The following RPTOR variants were observed in gnomAD, a reference collection of about 807,000 sequenced individuals.
RPTOR encodes the protein regulatory associated protein of MTOR complex 1.
Under a neutral mutation model 169.9 loss-of-function variants are expected in RPTOR, and 21 were observed. The ratio of observed to expected loss-of-function variants is 0.12; its 90% CI spans 0.09 to 0.18. RPTOR has a LOEUF of 0.18. RPTOR is among the 10% of genes least tolerant of loss of function. The pLI, the probability that RPTOR is intolerant of heterozygous loss-of-function variation, is 1.00. For missense variants in RPTOR, 1,133 were observed against 1,855.9 expected (o/e 0.61, Z 7.16); for synonymous variants, 732 against 753.2 (o/e 0.97, Z 0.46).
intron 2 of RPTOR, 124 bp downstream of exon 2, chr17:80,625,917 T>G (rs768005274): frequency 2.6e-4 from 173 of 670,534 alleles, no homozygotes; most frequent in Non-Finnish European, 4.2e-4. Flanking sequence ...CTGAGGGGTT[T>G]TTCTTTCTGG....
rs2065706297 is a variant in RPTOR, at chr17:80,659,657, C to T, written c.348+15847C>T. Among the ~76,000 whole-genome samples the T allele has an allele frequency of 6.6e-6, 1 of 152,116 alleles. No individual in the cohort carries two copies. The highest frequency in any genetic ancestry group is 2.4e-5 in the African/African-American group (1 of 41,422). The stretch of plus-strand genomic sequence containing the variant: ...AAGTAGCTGGGACTACGGGCACGCA[C>T]CAGCACACTCGGCTAATTTCTGTAT... On this transcript the variant is annotated intron_variant, in intron 3 of 33. Transcript: ENST00000306801. The surrounding 1 kb of genome is among the most constrained non-coding windows in gnomAD (Gnocchi z 4.3).
At position 80,847,398 on chromosome 17, in the gene RPTOR, C is replaced by T. The variant is rs780984768; in HGVS notation, c.1314+824C>T. Among the ~76,000 whole-genome samples, 5 of 152,328 alleles carry T rather than the reference C, an allele frequency of 3.3e-5. No individual in the cohort carries two copies. The East Asian group carries it at 5.8e-4, about 18-fold the overall frequency. ...GAAAGATTCCACAGAACTTTTGTTT[C>T]GGTGAATGTGTGTTTGTGGGGAAGT... On this transcript the variant is annotated intron_variant, in intron 11 of 33. Coordinates refer to ENST00000306801, the MANE Select transcript of RPTOR (RefSeq NM_020761.3).
chr17:80,766,351 T>C (rs1333199192), intron 6 of RPTOR, among the ~76,000 whole-genome samples: 9 of 152,194 alleles, frequency 5.9e-5, no homozygotes, highest in African/African-American at 2.2e-4. Context: ...CCATGTCTGG[T>C]CCTTTTTTAA....
intron 23 of RPTOR, among the ~76,000 whole-genome samples, chr17:80,924,936 C>T (rs532816871): frequency 8.5e-5 from 13 of 152,360 alleles, no homozygotes; most frequent in African/African-American, 2.6e-4. Context: ...CAAAGCTGTG[C>T]GCTCCGTCCA....
chr17:80,917,135 C>T, intron 21 of RPTOR, among the ~76,000 whole-genome samples: 2 of 142,858 alleles, frequency 1.4e-5, no homozygotes, highest in South Asian at 2.2e-4. Context: ...TTTTTTGAGA[C>T]TGAGTCTCAC....
chr17:80,880,507 C>A lies in RPTOR; in HGVS notation c.1584+18C>A. ...ACATGCCAGTAAGGACGGGGCAGCA[C>A]GCTCTCCACGGGCTTGGGACTCAGC... On this transcript the variant is annotated intron_variant, in intron 14 of 33. Coordinates refer to ENST00000306801, the MANE Select transcript of RPTOR (RefSeq NM_020761.3). 6.2e-7 allele frequency: 1 copy of A among 1,612,130 alleles called. No homozygotes were observed. The highest frequency in any genetic ancestry group is 8.5e-7 in the Non-Finnish European group (1 of 1,178,882).
chr17:80,933,119 G>C (rs935542224), intron 24 of RPTOR, among the ~76,000 whole-genome samples: 1 of 152,190 alleles, frequency 6.6e-6, no homozygotes, highest in Non-Finnish European at 1.5e-5. Flanking sequence ...CACTGAACTG[G>C]AAATTATAGC....
At chr17:80,558,408 C>T (rs1200891324) in intron 1 of RPTOR, among the ~76,000 whole-genome samples, 3 of 152,266 alleles carry the variant, frequency 2.0e-5, no homozygotes, top group Middle Eastern at 3.4e-3. Context: ...AGGAGACAGT[C>T]GCCGAGAACA....
intron 5 of RPTOR, among the ~76,000 whole-genome samples, chr17:80,744,088 C>G (rs1289657072): frequency 1.4e-4 from 16 of 111,010 alleles, no homozygotes; most frequent in African/African-American, 5.8e-4. Flanking sequence ...GTTACGAGCA[C>G]AGCCCTGGTT....
chr17:80,658,161 G>A (rs575041098), intron 3 of RPTOR, among the ~76,000 whole-genome samples: 1 of 152,150 alleles, frequency 6.6e-6, no homozygotes, highest in Non-Finnish European at 1.5e-5. Flanking sequence ...AAACCCCACA[G>A]TATACAGTCA....
At chr17:80,550,133 C>T (rs534825430) in intron 1 of RPTOR, among the ~76,000 whole-genome samples, 1 of 152,346 alleles carries the variant, frequency 6.6e-6, no homozygotes, top group South Asian at 2.1e-4. Flanking sequence ...CTGCTTTCCT[C>T]ACCTTGCGTC....
At chr17:80,819,239 G>A (rs2067355134) in intron 7 of RPTOR, among the ~76,000 whole-genome samples, 2 of 152,172 alleles carry the variant, frequency 1.3e-5, no homozygotes, top group Admixed American at 1.3e-4. Context: ...TTACTCAGGT[G>A]GGCACACTCA....
intron 15 of RPTOR, 76 bp from the exon 16 acceptor site, chr17:80,883,705 T>A: frequency 1.3e-6 from 2 of 1,499,720 alleles, no homozygotes; most frequent in Non-Finnish European, 1.8e-6. Flanking sequence ...TGGCCACCGT[T>A]GTCCCGTGCA....
chr17:80,723,228 G>A (rs1473714958), intron 4 of RPTOR, among the ~76,000 whole-genome samples: 1 of 151,050 alleles, frequency 6.6e-6, no homozygotes. Flanking sequence ...TAATTCATAA[G>A]CATTTGAAGG....
chr17:80,821,325 T>G (rs1369994886), intron 7 of RPTOR, among the ~76,000 whole-genome samples: 4 of 152,268 alleles, frequency 2.6e-5, no homozygotes, highest in Non-Finnish European at 5.9e-5. Context: ...TTGAATATTA[T>G]TCTGATGAAG....
chr17:80,708,893 C>G lies in RPTOR; in HGVS notation c.507+894C>G. ...CAGTTTCGGTTGTGCTGTCAGCCTC[C>G]TGGGCTTCTGCTTCCTTAGTGTGGA... On this transcript the variant is annotated intron_variant, in intron 4 of 33. Transcript: ENST00000306801. This position sits in a 1 kb window ranked among gnomAD's most constrained non-coding sequence, Gnocchi z 4.2. 1.0e-6 allele frequency: 1 copy of G among 983,846 alleles called. No homozygotes were observed. Among genetic ancestry groups the G allele is most frequent in the Non-Finnish European group, 1.2e-6 (1 of 828,154 alleles). The allele number at this position is 983,846 out of a possible 1,614,324, so 60.9% of individuals were successfully genotyped here.
At chr17:80,748,095 C>T (rs1428855164) in intron 5 of RPTOR, among the ~76,000 whole-genome samples, 15 of 106,080 alleles carry the variant, frequency 1.4e-4, no homozygotes, top group Non-Finnish European at 2.5e-4. Context: ...GTTTAGAGGC[C>T]GTGGCGGGAG....
intron 3 of RPTOR, among the ~76,000 whole-genome samples, chr17:80,703,531 C>A (rs2066118820): frequency 6.6e-6 from 1 of 152,104 alleles, no homozygotes; most frequent in Non-Finnish European, 1.5e-5. Flanking sequence ...AACACCCATT[C>A]CGCCTTGTGT....
intron 20 of RPTOR, among the ~76,000 whole-genome samples, chr17:80,904,524 A>G (rs530761560): frequency 1.3e-5 from 2 of 152,310 alleles, no homozygotes; most frequent in Non-Finnish European, 2.9e-5. Context: ...GCTCTGAACA[A>G]TAACTTCTAA....
Sources: gnomAD v4.1 joint callset for allele counts (sites outside exome capture counted in the v4.1 genomes callset) on GRCh38, gnomAD v4.1.1 for gene constraint, Gnocchi (gnomAD v3.1) non-coding constraint, MANE v1.5 for transcripts, NCBI Gene and HGNC (gene_info 2026-07-23, HGNC 2026-07-21) for gene names.